The following ALPK2 variants were observed in gnomAD, a reference collection of about 807,000 sequenced individuals.
ALPK2 encodes the protein alpha kinase 2.
ALPK2 carries 127 observed loss-of-function variants against 163.1 expected under a neutral mutation model. The observed-to-expected ratio is 0.78, with a 90% confidence interval of 0.67 to 0.90. The LOEUF is 0.90. Ranked by LOEUF, ALPK2 falls within the 40% of genes least tolerant of loss-of-function variation. The probability of loss-of-function intolerance (pLI) is 0.00; values close to 1 mark genes in which losing one functional copy is unlikely to be tolerated. For missense variants in ALPK2, 2,360 were observed against 2,589.6 expected (o/e 0.91, Z 1.92); for synonymous variants, 953 against 959.1 (o/e 0.99, Z 0.12).
At chr18:58,491,174 A>G (rs1264876045) in intron 12 of ALPK2, among the ~76,000 whole-genome samples, 2 of 152,074 alleles carry the variant, frequency 1.3e-5, no homozygotes, top group Non-Finnish European at 2.9e-5. Context: ...GACTGAACTG[A>G]CTCCGTCTTG....
chr18:58,539,197 C>T (rs781117259), intron 4 of ALPK2, among the ~76,000 whole-genome samples: 1 of 152,226 alleles, frequency 6.6e-6, no homozygotes, highest in East Asian at 1.9e-4. Flanking sequence ...GCCACCAGCA[C>T]TGCCAATCAT....
At chr18:58,520,095 G>C (rs1256284828) in intron 8 of ALPK2, among the ~76,000 whole-genome samples, 5 of 152,016 alleles carry the variant, frequency 3.3e-5, no homozygotes, top group Non-Finnish European at 5.9e-5. Context: ...CACACTCCAC[G>C]CTGCCCAAAG....
At chr18:58,566,430 G>A (rs1412748186) in intron 4 of ALPK2, 2 of 152,132 alleles carry the variant, frequency 1.3e-5, no homozygotes, top group African/African-American at 4.8e-5. Context: ...ATATGATTGG[G>A]TTAGTTCAAT....
chr18:58,491,039 C>T (rs992301377), intron 12 of ALPK2, among the ~76,000 whole-genome samples: 5 of 152,210 alleles, frequency 3.3e-5, no homozygotes, highest in African/African-American at 9.6e-5. Flanking sequence ...GCCTGAGATT[C>T]GCCCACTGTC....
At chr18:58,569,798 G>A (rs572902766) in intron 4 of ALPK2, among the ~76,000 whole-genome samples, 1 of 152,282 alleles carries the variant, frequency 6.6e-6, no homozygotes, top group East Asian at 1.9e-4. Flanking sequence ...CTGACAAGAG[G>A]CATGCTGGCC....
In ALPK2 at chr18:58,532,505, C is replaced by T. The variant is rs78031741; in HGVS notation, c.5353+2329G>A. On this transcript the variant is annotated intron_variant, in intron 5 of 12. Coordinates refer to ENST00000361673, the MANE Select transcript of ALPK2 (RefSeq NM_052947.4). ...TGCTCCGTCACCAGATGACTCCTAC[C>T]TTCTGGCCGAGGCCCTGAGTTTTTC... is the stretch of plus-strand genomic sequence containing the variant. Among the ~76,000 whole-genome samples the T allele has an allele frequency of 1.1e-3, 165 of 152,310 alleles. 2 individuals carry two copies. The East Asian group carries it at 0.016, about 15-fold the overall frequency.
intron 4 of ALPK2, among the ~76,000 whole-genome samples, chr18:58,555,979 G>A (rs998339329): frequency 3.3e-5 from 5 of 151,968 alleles, no homozygotes; most frequent in African/African-American, 7.3e-5. Context: ...CCGACACCAC[G>A]CCTGGCTAAT....
chr18:58,511,708 C>T (rs2144120413), intron 10 of ALPK2: 1 of 152,322 alleles, frequency 6.6e-6, no homozygotes, highest in African/African-American at 2.4e-5. Flanking sequence ...AAAGAAATTA[C>T]ACCTGCGGGC....
At chr18:58,543,929 C>CCCTAATTTAAGTCCAGAACTTCT (rs2051704388) in intron 4 of ALPK2, among the ~76,000 whole-genome samples, 1 of 152,118 alleles carries the variant, frequency 6.6e-6, no homozygotes, top group African/African-American at 2.4e-5. Flanking sequence ...TGGGAACTTC[C>CCCTAATTTAAGTCCAGAACTTCT]CCTAATTTAA....
chr18:58,541,428 C>T (rs1227754583), intron 4 of ALPK2, among the ~76,000 whole-genome samples: 3 of 152,246 alleles, frequency 2.0e-5, no homozygotes, highest in African/African-American at 7.2e-5. Flanking sequence ...CTGGGCCCCA[C>T]CTCCAACATT....
At chr18:58,601,145 A>C (rs907304555) in intron 3 of ALPK2, among the ~76,000 whole-genome samples, 1 of 152,086 alleles carries the variant, frequency 6.6e-6, no homozygotes, top group Non-Finnish European at 1.5e-5. Context: ...AACCCCAGCT[A>C]CTTGGAAGGC....
intron 3 of ALPK2, among the ~76,000 whole-genome samples, chr18:58,588,580 C>G (rs903349799): frequency 2.0e-5 from 3 of 152,128 alleles, no homozygotes; most frequent in African/African-American, 7.2e-5. Flanking sequence ...ACACTGCTCC[C>G]CCTCAAACCC....
At chr18:58,603,354 G>C (rs2052081390) in intron 3 of ALPK2, among the ~76,000 whole-genome samples, 1 of 152,232 alleles carries the variant, frequency 6.6e-6, no homozygotes, top group African/African-American at 2.4e-5. Context: ...TACACTCCAT[G>C]AGCTGATTGG....
rs1568089287 is a variant in ALPK2, at chr18:58,573,234, G to GTATATATGTGTATATA, written c.1962+5579_1962+5580insTATATACACATATATA. Reference sequence around the variant, plus strand: ...TATATGTATATATATGTGTATATGTGTGTATATATGTGTATATATGTATAT... The same window carrying GTATATATGTGTATATA: ...TATATGTATATATATGTGTATATGTGTATATATGTGTATATATGTATATATGTGTATATATGTATAT... On this transcript the variant is annotated intron_variant, in intron 4 of 12. Transcript: ENST00000361673. 2.9e-4 allele frequency among the ~76,000 whole-genome samples: 34 copies of GTATATATGTGTATATA among 116,494 alleles called. 1 individual carries two copies. The highest frequency in any genetic ancestry group is 4.3e-4 in the Non-Finnish European group (24 of 56,374). The allele number at this position is 116,494 out of a possible 152,430, so 76.4% of individuals were successfully genotyped here.
chr18:58,499,182 C>T (rs1180947224), intron 11 of ALPK2, among the ~76,000 whole-genome samples: 1 of 152,140 alleles, frequency 6.6e-6, no homozygotes, highest in African/African-American at 2.4e-5. Flanking sequence ...GATATCAAAA[C>T]CAAAACAGTA....
At chr18:58,569,495 C>T (rs548188708) in intron 4 of ALPK2, among the ~76,000 whole-genome samples, 11 of 152,294 alleles carry the variant, frequency 7.2e-5, no homozygotes, top group Non-Finnish European at 1.2e-4. Context: ...GAATCTCCTA[C>T]GAGTCTGGTT....
chr18:58,622,679 A>C (rs1385944525), intron 1 of ALPK2, among the ~76,000 whole-genome samples: 1 of 152,178 alleles, frequency 6.6e-6, no homozygotes, highest in Non-Finnish European at 1.5e-5. Flanking sequence ...GTTGAATGTC[A>C]TGGGCCGACT....
chr18:58,567,269 A>G (rs1385573925), intron 4 of ALPK2, among the ~76,000 whole-genome samples: 1 of 151,604 alleles, frequency 6.6e-6, no homozygotes, highest in East Asian at 1.9e-4. Context: ...CTGAGGTCCC[A>G]ACTACTCGGA....
In ALPK2 at chr18:58,535,559, C is replaced by G. The variant is rs1473103972; in HGVS notation, c.4628G>C (p.Ser1543Thr). The G allele has an allele frequency of 6.2e-7, 1 of 1,614,078 alleles. No individual in the cohort carries two copies. Among genetic ancestry groups the G allele is most frequent in the Non-Finnish European group, 8.5e-7 (1 of 1,180,034 alleles). Residue 1543 changes from serine (S) to threonine (T), a missense_variant, in exon 5 of 13, where the codon AGT (serine) becomes ACT (threonine). Transcript: ENST00000361673. ...AGCGTGAGTCATTATTGGAAGACAA[C>G]TAGAAAGAGGTGAAGTGGGGGAAAT... ...ELISPTSPLS[S>T]CLPIMTHASL...
Sources: allele counts gnomAD v4.1 joint callset (sites outside exome capture counted in the v4.1 genomes callset), GRCh38; gene constraint gnomAD v4.1.1; transcripts MANE v1.5; gene names NCBI Gene and HGNC (gene_info 2026-07-23, HGNC 2026-07-21).